The following PKHD1 variants were observed in gnomAD, a reference collection of about 807,000 sequenced individuals.
The protein encoded by PKHD1 is fibrocystin.
In PKHD1, 291 loss-of-function variants were observed where a neutral mutation model predicts 412.0. That is an observed-to-expected ratio of 0.71 (90% CI 0.64 to 0.78). The LOEUF is 0.78. Ranked by LOEUF, PKHD1 falls within the 30% of genes least tolerant of loss-of-function variation. The pLI is 0.00. For synonymous variants in PKHD1, 1,777 were observed against 1,821.5 expected, an observed-to-expected ratio of 0.98 and a Z score of 0.62; for missense variants, 4,825 against 4,950.7, an observed-to-expected ratio of 0.97 and a Z score of 0.76.
At chr6:51,702,554 C>T (rs182886277) in intron 60 of PKHD1, among the ~76,000 whole-genome samples, 7 of 151,820 alleles carry the variant, frequency 4.6e-5, no homozygotes, top group African/African-American at 1.7e-4. Context: ...TAACCAAATA[C>T]CAACTGTTCC....
At position 52,017,566 on chromosome 6, in the gene PKHD1, G is replaced by A; in HGVS notation, c.5444C>T (p.Thr1815Ile). 1 of 1,614,048 alleles carries A rather than the reference G, an allele frequency of 6.2e-7. No homozygotes were observed. ...AACTGTCAAATCACACTGCACATAG[G>A]TGTGTCTGGCAGCCTCACAGCTGTC... ...EEDSCEAARHTYVQCDLTVAM... is the reference protein window; with the variant it reads ...EEDSCEAARHIYVQCDLTVAM... The change falls in exon 34 of 67, where the codon ACC (threonine) becomes ATC (isoleucine). Residue 1815 changes from threonine (T) to isoleucine (I), a missense_variant. Coordinates refer to ENST00000371117, the MANE Select transcript of PKHD1 (RefSeq NM_138694.4).
intron 37 of PKHD1, among the ~76,000 whole-genome samples, chr6:51,924,350 A>T (rs1184142181): frequency 6.6e-6 from 1 of 152,196 alleles, no homozygotes; most frequent in East Asian, 1.9e-4. Flanking sequence ...CTACTGAAGC[A>T]TGAGGGTGGC....
Position 51,618,583 on chromosome 6 carries a change from C to A in PKHD1, c.*498G>T. On this transcript the variant is annotated 3_prime_UTR_variant, in exon 67 of 67. Coordinates refer to ENST00000371117, the MANE Select transcript of PKHD1 (RefSeq NM_138694.4). ...CTTGTGGTTGGAAGGTAAGCTCTGACAGATCAGGGAGCAGGGTGTTGAACT... is the reference window on the plus strand; with the variant it reads ...CTTGTGGTTGGAAGGTAAGCTCTGAAAGATCAGGGAGCAGGGTGTTGAACT... 1 of 179,410 alleles carries A rather than the reference C, an allele frequency of 5.6e-6. No individual in the cohort carries two copies. Among genetic ancestry groups the A allele is most frequent in the Non-Finnish European group, 1.2e-5 (1 of 83,384 alleles). The allele number at this position is 179,410 out of a possible 1,614,324, so 11.1% of individuals were successfully genotyped here. A position where few individuals can be genotyped will look rare whatever the true frequency, so the allele number is the denominator to read the frequency against.
At chr6:51,819,388 A>ACTT (rs1437799203) in intron 52 of PKHD1, among the ~76,000 whole-genome samples, 1 of 152,214 alleles carries the variant, frequency 6.6e-6, no homozygotes, top group Non-Finnish European at 1.5e-5. Flanking sequence ...CAGAGGAAAC[A>ACTT]CTTTGAGAAA....
chr6:51,922,931 A>G, intron 37 of PKHD1, among the ~76,000 whole-genome samples: 1 of 151,750 alleles, frequency 6.6e-6, no homozygotes, highest in East Asian at 1.9e-4. Context: ...TTCGGCTCAC[A>G]CTCCATGGGC....
Position 51,791,341 on chromosome 6 carries a change from A to C in PKHD1, c.8335T>G (p.Phe2779Val), listed in dbSNP as rs144106341. 3.3e-4 allele frequency: 531 copies of C among 1,613,470 alleles called. 6 individuals are homozygous for C. The East Asian group carries it at 0.012, about 36-fold the overall frequency. The change falls in exon 53 of 67, where the codon TTC becomes GTC. Residue 2779 changes from phenylalanine (F) to valine (V), a missense_variant. Transcript: ENST00000371117. ...RTVLVDTDLPFFKGLYVMGTL... is the reference protein window; with the variant it reads ...RTVLVDTDLPVFKGLYVMGTL... ...CCCATCACATACAGCCCTTTGAAGA[A>C]TGGAAGATCTGTATCCACAAGGACA... is the stretch of plus-strand genomic sequence containing the variant.
intron 57 of PKHD1, among the ~76,000 whole-genome samples, chr6:51,751,248 T>G (rs1281755957): frequency 6.6e-6 from 1 of 152,158 alleles, no homozygotes; most frequent in Non-Finnish European, 1.5e-5. Flanking sequence ...GGCCTGCTTT[T>G]CTGGTCTATA....
chr6:52,052,313 A>G (rs1313367407), intron 21 of PKHD1, among the ~76,000 whole-genome samples: 2 of 152,144 alleles, frequency 1.3e-5, no homozygotes, highest in Non-Finnish European at 1.5e-5. Context: ...TCACACACAG[A>G]CACCTCAGCA....
At chr6:51,958,253 G>C (rs1308353535) in intron 36 of PKHD1, among the ~76,000 whole-genome samples, 1 of 152,040 alleles carries the variant, frequency 6.6e-6, no homozygotes, top group Non-Finnish European at 1.5e-5. Flanking sequence ...CCCTTCAGAT[G>C]ACTTACTCTC....
intron 60 of PKHD1, among the ~76,000 whole-genome samples, chr6:51,676,373 A>G (rs1263940461): frequency 1.3e-5 from 2 of 152,236 alleles, no homozygotes; most frequent in African/African-American, 4.8e-5. Context: ...TTCAACAAAA[A>G]AGAAAAATTT....
chr6:51,996,065 G>A (rs2128085985), intron 35 of PKHD1, among the ~76,000 whole-genome samples: 1 of 151,704 alleles, frequency 6.6e-6, no homozygotes, highest in African/African-American at 2.4e-5. Flanking sequence ...GAGTGCAGTG[G>A]TGCAATCCTG....
intron 27 of PKHD1, among the ~76,000 whole-genome samples, chr6:52,037,002 T>G (rs970484166): frequency 4.6e-5 from 7 of 152,078 alleles, no homozygotes; most frequent in Admixed American, 1.3e-4. Flanking sequence ...AAAAGAAGTG[T>G]AAAGAGGTCT....
At chr6:51,949,778 T>C (rs541206207) in intron 36 of PKHD1, among the ~76,000 whole-genome samples, 24 of 152,212 alleles carry the variant, frequency 1.6e-4, no homozygotes, top group Admixed American at 3.9e-4. Flanking sequence ...CTTTAAGGAT[T>C]GGGGGCAAAG....
At chr6:52,050,107 C>A in intron 22 of PKHD1, 50 bp downstream of exon 22, 1 of 1,596,350 alleles carries the variant, frequency 6.3e-7, no homozygotes, top group Non-Finnish European at 8.6e-7. Context: ...CCCTCAAGGC[C>A]AACAAGCATT....
chr6:51,694,306 A>G (rs952007887), intron 60 of PKHD1, among the ~76,000 whole-genome samples: 1 of 151,946 alleles, frequency 6.6e-6, no homozygotes, highest in Admixed American at 6.6e-5. Context: ...CCTCCACCAC[A>G]CCAGCAAAAA....
intron 53 of PKHD1, among the ~76,000 whole-genome samples, chr6:51,785,051 T>G (rs1792649059): frequency 6.6e-6 from 1 of 152,166 alleles, no homozygotes; most frequent in South Asian, 2.1e-4. Context: ...AATAAAATAA[T>G]GCAAGCAGGA....
intron 36 of PKHD1, among the ~76,000 whole-genome samples, chr6:51,944,953 G>A (rs1583500701): frequency 6.6e-6 from 1 of 152,324 alleles, no homozygotes; most frequent in African/African-American, 2.4e-5. Context: ...CTAGGGTAAA[G>A]CAGCAAGGTC....
At chr6:51,885,803 G>T in intron 45 of PKHD1, 64 bp downstream of exon 45, 1 of 1,062,050 alleles carries the variant, frequency 9.4e-7, no homozygotes, top group Non-Finnish European at 1.4e-6. Context: ...ATTGCTGTGA[G>T]AAAACAAGTG....
At chr6:51,973,852 C>T (rs577358517) in intron 35 of PKHD1, among the ~76,000 whole-genome samples, 1 of 152,216 alleles carries the variant, frequency 6.6e-6, no homozygotes, top group East Asian at 1.9e-4. Context: ...ATATAGCTCC[C>T]AAGAAGCCTC....
Sources: allele counts gnomAD v4.1 joint callset (sites outside exome capture counted in the v4.1 genomes callset), GRCh38; gene constraint gnomAD v4.1.1; transcripts MANE v1.5; gene names NCBI Gene and HGNC (gene_info 2026-07-23, HGNC 2026-07-21).